Variants in USP33 observed in about 807,000 individuals in gnomAD.
USP33 encodes the protein ubiquitin carboxyl-terminal hydrolase 33.
A neutral mutation model predicts 124.2 loss-of-function variants in USP33; 46 were observed. The observed-to-expected ratio is 0.37, with a 90% confidence interval of 0.29 to 0.47. The LOEUF (loss-of-function observed/expected upper bound fraction) is 0.47, where lower values mean the gene tolerates loss of function less well. Ranked by LOEUF, USP33 falls within the 20% of genes least tolerant of loss-of-function variation. The probability of loss-of-function intolerance (pLI) is 0.99; values close to 1 mark genes in which losing one functional copy is unlikely to be tolerated. For missense variants in USP33, 851 were observed against 1,070.6 expected (o/e 0.79, Z 2.86); for synonymous variants, 350 against 352.3 (o/e 0.99, Z 0.07).
At chr1:77,713,468 CA>C in intron 19 of USP33, 187 bp from the exon 20 acceptor site, 2 of 454,744 alleles carry the variant, frequency 4.4e-6, no homozygotes, top group Non-Finnish European at 7.5e-6. Context: ...ACAGCAGCCT[CA>C]AAATTCCTGG....
chr1:77,743,389 G>A (rs1000960391), intron 1 of USP33, among the ~76,000 whole-genome samples: 1 of 152,036 alleles, frequency 6.6e-6, no homozygotes, highest in Non-Finnish European at 1.5e-5. Context: ...AAGAAAAGTT[G>A]AACAAAATCA....
In USP33 at chr1:77,721,184, T is replaced by C; in HGVS notation, c.1679A>G (p.Glu560Gly). Residue 560 changes from glutamate (E) to glycine (G), a missense_variant, in exon 15 of 24, where the codon GAA becomes GGA. Glu to Gly is a moderately conservative substitution (Grantham distance 98). Transcript: ENST00000370794. ...ELKGDNMYSC[E>G]KCKKLRNGVK... is the part of the protein sequence containing the mutation. ...CAATGTCACTTACTTTTTGCATTTT[T>C]CACAACTGTACATATTGTCACCTGC... The C allele has an allele frequency of 6.2e-7, 1 of 1,613,790 alleles. No individual in the cohort carries two copies. Among genetic ancestry groups the C allele is most frequent in the Non-Finnish European group, 8.5e-7 (1 of 1,179,892 alleles).
chr1:77,754,808 G>A (rs535602695), intron 1 of USP33, among the ~76,000 whole-genome samples: 1 of 152,284 alleles, frequency 6.6e-6, no homozygotes, highest in Admixed American at 6.5e-5. Flanking sequence ...TACAACCTAT[G>A]TGTTCTACAA....
chr1:77,726,901 C>T (rs2101439417), intron 10 of USP33, among the ~76,000 whole-genome samples: 1 of 152,192 alleles, frequency 6.6e-6, no homozygotes, highest in East Asian at 1.9e-4. Flanking sequence ...CTTTGGATTC[C>T]TAGTGCCTAA....
intron 17 of USP33, among the ~76,000 whole-genome samples, chr1:77,717,264 C>G: frequency 6.6e-6 from 1 of 152,064 alleles, no homozygotes; most frequent in East Asian, 1.9e-4. Flanking sequence ...CCGAGGCGGG[C>G]AGATCACGAG....
At chr1:77,758,505 G>T (rs1353000754) in intron 1 of USP33, among the ~76,000 whole-genome samples, 1 of 152,044 alleles carries the variant, frequency 6.6e-6, no homozygotes, top group East Asian at 1.9e-4. Context: ...CCAAAGTAAT[G>T]AAATAATACA....
chr1:77,698,129 C>T (rs992079640), intron 22 of USP33, among the ~76,000 whole-genome samples, 198 bp from the exon 23 acceptor site: 29 of 150,828 alleles, frequency 1.9e-4, no homozygotes, highest in African/African-American at 6.8e-4. Flanking sequence ...GCAGTGGCAC[C>T]ATCACAGCTC....
intron 17 of USP33, among the ~76,000 whole-genome samples, chr1:77,716,607 A>G (rs1422647279): frequency 6.6e-6 from 1 of 152,184 alleles, no homozygotes. Context: ...CCCAGTAGAA[A>G]GCAATTAAGA....
intron 1 of USP33, among the ~76,000 whole-genome samples, chr1:77,756,278 A>C (rs1438995589): frequency 6.8e-6 from 1 of 146,094 alleles, no homozygotes; most frequent in African/African-American, 2.5e-5. Flanking sequence ...TAAATTCGGC[A>C]TTTTTTTTTT....
intron 1 of USP33, among the ~76,000 whole-genome samples, chr1:77,753,168 A>T (rs1030733977): frequency 2.1e-4 from 32 of 152,246 alleles, no homozygotes; most frequent in Admixed American, 2.1e-3. Context: ...GGATTCAAAG[A>T]ATCAACCATA....
At chr1:77,755,903 T>C (rs1365734185) in intron 1 of USP33, among the ~76,000 whole-genome samples, 1 of 152,208 alleles carries the variant, frequency 6.6e-6, no homozygotes, top group Non-Finnish European at 1.5e-5. Context: ...TTTGTGGGGA[T>C]GGCAGCATTG....
chr1:77,735,413 G>GCA (rs1678327441), intron 6 of USP33, among the ~76,000 whole-genome samples: 1 of 152,120 alleles, frequency 6.6e-6, no homozygotes, highest in Admixed American at 6.5e-5. Flanking sequence ...ACCACTTATT[G>GCA]ATAAGTATCC....
At position 77,727,494 on chromosome 1, in the gene USP33, G is replaced by A. The variant is rs137927544; in HGVS notation, c.1135+801C>T. 4.9e-3 allele frequency among the ~76,000 whole-genome samples: 750 copies of A among 152,264 alleles called. 17 individuals carry two copies. The highest frequency in any genetic ancestry group is 0.044 in the Admixed American group (671 of 15,296). ...GGAGCCTAACACTCCTAGTCTTCCCGATTAGAAAGCATCTGTGCACTTTAC... is the reference window on the plus strand; with the variant it reads ...GGAGCCTAACACTCCTAGTCTTCCCAATTAGAAAGCATCTGTGCACTTTAC... On this transcript the variant is annotated intron_variant, in intron 10 of 23. Coordinates refer to ENST00000370794, the MANE Select transcript of USP33 (RefSeq NM_201624.3).
chr1:77,697,363 A>G lies in USP33; in HGVS notation c.2690T>C (p.Ile897Thr). ...RPPVVHVDPD[I>T]LQAEEKIEVE... ...TTCAATTTTTTCTTCTGCTTGAAGT[A>G]TATCTGGATCAACATGAACAACCGG... is the stretch of plus-strand genomic sequence containing the variant. The change falls in exon 24 of 24, where the codon ATA becomes ACA. Residue 897 changes from isoleucine (I) to threonine (T), a missense_variant. Physicochemically the swap from Ile to Thr is moderately conservative, Grantham distance 89 (BLOSUM62 -1). Transcript: ENST00000370794. The G allele has an allele frequency of 1.2e-6, 2 of 1,612,358 alleles. No individual in the cohort carries two copies. Among genetic ancestry groups the G allele is most frequent in the Non-Finnish European group, 8.5e-7 (1 of 1,179,610 alleles).
intron 11 of USP33, among the ~76,000 whole-genome samples, chr1:77,724,618 C>A (rs574715441): frequency 6.6e-6 from 1 of 152,278 alleles, no homozygotes; most frequent in East Asian, 1.9e-4. Flanking sequence ...AACCCCACTT[C>A]TAGGTATTTG....
intron 1 of USP33, among the ~76,000 whole-genome samples, chr1:77,750,672 GAAAGAAAGAAAGAA>G (rs1429005160): frequency 6.8e-6 from 1 of 147,698 alleles, no homozygotes; most frequent in Non-Finnish European, 1.5e-5. Context: ...AAGAAAGAAA[GAAAGAAAGAAAGAA>G]AAAGGAAAAG....
intron 23 of USP33, 156 bp downstream of exon 23, chr1:77,697,706 TA>T (rs376670008): frequency 1.1e-3 from 1,037 of 906,984 alleles, no homozygotes; most frequent in South Asian, 1.5e-3. Context: ...TTTCCTCAGA[TA>T]AAAAAAAAGT....
chr1:77,718,556 C>A, intron 16 of USP33, 40 bp downstream of exon 16: 1 of 1,470,698 alleles, frequency 6.8e-7, no homozygotes, highest in Non-Finnish European at 9.4e-7. Context: ...CTTTATGTTC[C>A]TACCACACAA....
chr1:77,723,491 T>C (rs1676808781), intron 11 of USP33, 48 bp from the exon 12 acceptor site: 2 of 1,253,066 alleles, frequency 1.6e-6, no homozygotes, highest in Non-Finnish European at 2.2e-6. Context: ...TCCTTTAACA[T>C]TTTTCTCTGG....
Sources: allele counts gnomAD v4.1 joint callset (sites outside exome capture counted in the v4.1 genomes callset), GRCh38; gene constraint gnomAD v4.1.1; transcripts MANE v1.5; gene names NCBI Gene and HGNC (gene_info 2026-07-23, HGNC 2026-07-21).